Variants in AKAP13 observed in about 807,000 individuals in gnomAD.
The protein encoded by AKAP13 is A-kinase anchor protein 13.
In AKAP13, 80 loss-of-function variants were observed where a neutral mutation model predicts 264.5. The ratio of observed to expected loss-of-function variants is 0.30; its 90% CI spans 0.25 to 0.36. The LOEUF is 0.36. AKAP13 is among the 10% of genes least tolerant of loss of function. AKAP13 has a pLI of 1.00. For missense variants in AKAP13, 3,712 were observed against 3,435.2 expected (o/e 1.08, Z -2.01); for synonymous variants, 1,380 against 1,250.2 (o/e 1.10, Z -2.19).
intron 1 of AKAP13, among the ~76,000 whole-genome samples, chr15:85,458,481 C>A (rs1004356985): frequency 3.4e-5 from 5 of 146,362 alleles, no homozygotes; most frequent in Admixed American, 6.9e-5. Context: ...TTTGTACATG[C>A]TATTAAGTTC....
In AKAP13 at chr15:85,579,689, A is replaced by C; in HGVS notation, c.1621A>C (p.Ser541Arg). 6.2e-7 allele frequency: 1 copy of C among 1,614,246 alleles called. No individual in the cohort carries two copies. The highest frequency in any genetic ancestry group is 1.1e-5 in the South Asian group (1 of 91,088). Reference protein sequence around the residue: ...ISVPNCAPAASSLDGNKPAES... With the variant: ...ISVPNCAPAARSLDGNKPAES... Reference sequence around the variant, plus strand: ...TGTTCCAAACTGTGCCCCTGCTGCCAGTTCCCTGGATGGTAACAAACCTGC... The same window carrying C: ...TGTTCCAAACTGTGCCCCTGCTGCCCGTTCCCTGGATGGTAACAAACCTGC... Residue 541 changes from serine to arginine, a missense_variant, in exon 7 of 37, where the codon AGT (serine) becomes CGT (arginine). Transcript: ENST00000394518.
Position 85,684,753 on chromosome 15 carries a change from G to T in AKAP13, c.5169G>T (p.Glu1723Asp), listed in dbSNP as rs767513056. 2 of 1,612,360 alleles carry T rather than the reference G, an allele frequency of 1.2e-6. No individual in the cohort carries two copies. The highest frequency in any genetic ancestry group is 2.2e-5 in the South Asian group (2 of 90,932). ...SANLTESITE[E>D]NYNFLPHSPS... Reference sequence around the variant, plus strand: ...TGTTTTTATTTAGTATAACAGAAGAGAACTATAATTTCCTGCCACATAGCC... The same window carrying T: ...TGTTTTTATTTAGTATAACAGAAGATAACTATAATTTCCTGCCACATAGCC... Residue 1723 changes from glutamate (E) to aspartate (D), a missense_variant, in exon 16 of 37, where the codon GAG (glutamate) becomes GAT (aspartate). Physicochemically the swap from Glu to Asp is conservative, Grantham distance 45. Around this residue, in one of 3 missense-constraint regions of AKAP13, gnomAD observed 2,759 missense variants for 2,411.7 expected, o/e 1.14. Coordinates refer to ENST00000394518, the MANE Select transcript of AKAP13 (RefSeq NM_007200.5).
chr15:85,601,343 T>C (rs1307194171), intron 8 of AKAP13, among the ~76,000 whole-genome samples: 6 of 152,182 alleles, frequency 3.9e-5, no homozygotes, highest in Non-Finnish European at 7.3e-5. Context: ...CAGAAAACCA[T>C]CTCTGTTTAT....
At chr15:85,433,117 GTTTTT>G (rs199655190) in intron 1 of AKAP13, among the ~76,000 whole-genome samples, 2 of 53,246 alleles carry the variant, frequency 3.8e-5, no homozygotes, top group African/African-American at 1.6e-4. Context: ...CTTCTGTACA[GTTTTT>G]TTTTTTTTTT....
chr15:85,401,819 A>G (rs568034479), intron 1 of AKAP13, among the ~76,000 whole-genome samples: 1 of 152,362 alleles, frequency 6.6e-6, no homozygotes, highest in East Asian at 1.9e-4. Flanking sequence ...TTTCTGGGAC[A>G]TAGGACAATA....
At chr15:85,468,091 TATA>T (rs2151016452) in intron 1 of AKAP13, among the ~76,000 whole-genome samples, 1 of 152,372 alleles carries the variant, frequency 6.6e-6, no homozygotes, top group Non-Finnish European at 1.5e-5. Flanking sequence ...GAATGAATAT[TATA>T]AGACTATGTT....
chr15:85,562,291 G>A (rs1384490285), intron 5 of AKAP13, among the ~76,000 whole-genome samples: 20 of 152,028 alleles, frequency 1.3e-4, no homozygotes, highest in African/African-American at 4.1e-4. Flanking sequence ...TCGGCCGGGC[G>A]TGGTGGCTCA....
At chr15:85,730,811 A>C in intron 30 of AKAP13, 104 bp downstream of exon 30, 2 of 1,011,806 alleles carry the variant, frequency 2.0e-6, no homozygotes, top group Non-Finnish European at 2.8e-6. Context: ...GCACAAATGC[A>C]GAAAATTACC....
At chr15:85,469,537 T>C (rs8032488) in intron 1 of AKAP13, among the ~76,000 whole-genome samples, 81,742 of 152,012 alleles carry the variant, frequency 0.54, 22,658 homozygotes, top group Admixed American at 0.64. Flanking sequence ...GGAGTCATCA[T>C]TTGCAGGCCA....
chr15:85,586,494 G>T (rs890780085), intron 8 of AKAP13, among the ~76,000 whole-genome samples: 1 of 152,084 alleles, frequency 6.6e-6, no homozygotes, highest in Non-Finnish European at 1.5e-5. Context: ...GTGAGTCATG[G>T]CACTCGGCCT....
chr15:85,464,364 T>A (rs961752929), intron 1 of AKAP13, among the ~76,000 whole-genome samples: 1 of 152,238 alleles, frequency 6.6e-6, no homozygotes. Flanking sequence ...TTATAACTTT[T>A]GAGCAGTGTC....
At chr15:85,582,784 A>G in intron 7 of AKAP13, 1 of 776,246 alleles carries the variant, frequency 1.3e-6, no homozygotes, top group Non-Finnish European at 1.6e-6. Context: ...TGAGAATTCA[A>G]GACCCTGCAC....
chr15:85,458,396 T>TTTTTG (rs1567067240), intron 1 of AKAP13, among the ~76,000 whole-genome samples: 1 of 147,958 alleles, frequency 6.8e-6, no homozygotes, highest in Admixed American at 6.7e-5. Context: ...GTTTTTTGTT[T>TTTTTG]TTTTTTTTTT....
intron 14 of AKAP13, among the ~76,000 whole-genome samples, chr15:85,673,392 G>A (rs1461146834): frequency 6.6e-6 from 1 of 152,094 alleles, no homozygotes; most frequent in African/African-American, 2.4e-5. Context: ...GGGATATGAT[G>A]AGCGTGACTT....
intron 12 of AKAP13, chr15:85,662,454 G>A (rs2083399101): frequency 1.3e-5 from 21 of 1,614,162 alleles, no homozygotes; most frequent in Non-Finnish European, 1.8e-5. Context: ...ATTACAGAAG[G>A]TATGATATTG....
intron 17 of AKAP13, among the ~76,000 whole-genome samples, chr15:85,707,670 T>C (rs2086376563): frequency 6.6e-6 from 1 of 152,218 alleles, no homozygotes; most frequent in East Asian, 1.9e-4. Context: ...CTAGTTTTTG[T>C]TGATTAGAAA....
intron 1 of AKAP13, among the ~76,000 whole-genome samples, chr15:85,452,645 T>C (rs2074133174): frequency 6.6e-6 from 1 of 152,194 alleles, no homozygotes; most frequent in Non-Finnish European, 1.5e-5. Flanking sequence ...GTCAGGTATC[T>C]TTGGTGTTAA....
intron 1 of AKAP13, among the ~76,000 whole-genome samples, chr15:85,389,332 T>C (rs1036030971): frequency 6.6e-6 from 1 of 152,202 alleles, no homozygotes. Context: ...ATCCTCCTCA[T>C]TGCACCATGG....
At chr15:85,623,547 G>A (rs181971777) in intron 8 of AKAP13, among the ~76,000 whole-genome samples, 10 of 152,268 alleles carry the variant, frequency 6.6e-5, no homozygotes, top group African/African-American at 2.2e-4. Flanking sequence ...ATAGTTTCAC[G>A]GTAGCTTTTC....
Sources: allele counts gnomAD v4.1 joint callset (sites outside exome capture counted in the v4.1 genomes callset), GRCh38; gene constraint gnomAD v4.1.1; regional missense constraint gnomAD v4.1.1; transcripts MANE v1.5; gene names NCBI Gene and HGNC (gene_info 2026-07-23, HGNC 2026-07-21).